Variants in DIAPH2 observed in about 807,000 individuals in gnomAD.
DIAPH2 encodes the protein protein diaphanous homolog 2.
DIAPH2 carries 35 observed loss-of-function variants against 92.7 expected under a neutral mutation model. The observed-to-expected ratio is 0.38, with a 90% CI of 0.29 to 0.50. The LOEUF (loss-of-function observed/expected upper bound fraction) is 0.50, where lower values mean the gene tolerates loss of function less well. Among genes scored for constraint, DIAPH2 ranks in the 20% least tolerant of loss-of-function variants. The pLI is 0.94. For synonymous variants in DIAPH2, 301 were observed against 280.4 expected (o/e 1.07, Z -0.73); for missense variants, 701 against 819.5 (o/e 0.86, Z 1.77).
chrX:97,115,694 A>G (rs776216831), intron 21 of DIAPH2, among the ~76,000 whole-genome samples: 1 of 112,244 alleles, frequency 8.9e-6, no homozygotes, highest in African/African-American at 3.2e-5. Context: ...TAAGATAATA[A>G]TACTCTTCAA....
intron 26 of DIAPH2, among the ~76,000 whole-genome samples, chrX:97,467,900 T>C (rs753333414): frequency 9.0e-6 from 1 of 111,533 alleles, no homozygotes; most frequent in South Asian, 3.8e-4. Flanking sequence ...AATAAATGTT[T>C]GCAGTGGTAT....
intron 17 of DIAPH2, among the ~76,000 whole-genome samples, chrX:97,021,143 A>G (rs1373527829): frequency 1.8e-5 from 2 of 112,084 alleles, no homozygotes; most frequent in Non-Finnish European, 3.8e-5. Flanking sequence ...ATCTTGCTGG[A>G]TGGGGACCAT....
intron 17 of DIAPH2, among the ~76,000 whole-genome samples, chrX:97,019,482 A>T (rs1330613778): frequency 1.8e-5 from 2 of 110,912 alleles, no homozygotes; most frequent in African/African-American, 6.5e-5. Flanking sequence ...CAAAATCTAG[A>T]TCCTTGACAA....
intron 23 of DIAPH2, among the ~76,000 whole-genome samples, chrX:97,323,574 G>C (rs1367127982): frequency 8.4e-4 from 71 of 84,247 alleles, no homozygotes; most frequent in African/African-American, 3.1e-3. Flanking sequence ...CTGGGTGACA[G>C]AGTGAGACTC....
intron 4 of DIAPH2, among the ~76,000 whole-genome samples, chrX:96,860,351 T>A (rs1247523188): frequency 9.0e-6 from 1 of 111,606 alleles, no homozygotes; most frequent in Non-Finnish European, 1.9e-5. Flanking sequence ...AGACAATACG[T>A]ATGAGTGGAA....
At chrX:97,495,223 G>C (rs767158933) in intron 26 of DIAPH2, among the ~76,000 whole-genome samples, 1 of 112,021 alleles carries the variant, frequency 8.9e-6, no homozygotes, top group South Asian at 3.7e-4. Context: ...TGTTTCTCTG[G>C]TGTACTGCAA....
At chrX:96,987,557 A>C (rs1229374325) in intron 17 of DIAPH2, among the ~76,000 whole-genome samples, 2 of 110,685 alleles carry the variant, frequency 1.8e-5, no homozygotes, top group African/African-American at 6.5e-5. Context: ...CAAGATAACT[A>C]TTTCTTCCTC....
At chrX:97,191,769 T>G (rs1473607908) in intron 22 of DIAPH2, among the ~76,000 whole-genome samples, 1 of 111,560 alleles carries the variant, frequency 9.0e-6, no homozygotes, top group African/African-American at 3.3e-5. Flanking sequence ...CAGTTTATAC[T>G]TAAATCTTAG....
intron 26 of DIAPH2, among the ~76,000 whole-genome samples, chrX:97,473,373 C>T (rs1343448449): frequency 9.0e-6 from 1 of 111,339 alleles, no homozygotes; most frequent in Non-Finnish European, 1.9e-5. Context: ...CTTGCTGTGT[C>T]GCCCAGGCTG....
intron 3 of DIAPH2, among the ~76,000 whole-genome samples, chrX:96,749,594 C>T (rs1178779105): frequency 8.9e-6 from 1 of 111,928 alleles, no homozygotes; most frequent in African/African-American, 3.2e-5. Context: ...AGATTTCCTG[C>T]TGAACCATGA....
chrX:97,006,462 G>C (rs1186179784), intron 17 of DIAPH2, among the ~76,000 whole-genome samples: 1 of 112,210 alleles, frequency 8.9e-6, no homozygotes, highest in Non-Finnish European at 1.9e-5. Flanking sequence ...GGGTGCTCCA[G>C]TGTTGGCTGC....
chrX:97,478,315 C>CT (rs1254335792), intron 26 of DIAPH2, among the ~76,000 whole-genome samples: 3 of 111,592 alleles, frequency 2.7e-5, no homozygotes, highest in African/African-American at 9.8e-5. Flanking sequence ...AAATTTTATT[C>CT]TTTTTCAAAA....
At chrX:97,214,067 A>G (rs183118658) in intron 22 of DIAPH2, among the ~76,000 whole-genome samples, 3 of 111,702 alleles carry the variant, frequency 2.7e-5, no homozygotes, top group African/African-American at 6.5e-5. Context: ...AAATTGGAGT[A>G]ATGAAAGGAC....
intron 3 of DIAPH2, among the ~76,000 whole-genome samples, chrX:96,754,690 C>T (rs1366692839): frequency 3.7e-5 from 4 of 109,061 alleles, no homozygotes; most frequent in Non-Finnish European, 7.6e-5. Flanking sequence ...TTTGGGAGGC[C>T]GAGGCGGGTG....
chrX:97,540,559 A>C (rs1173086667), intron 26 of DIAPH2, among the ~76,000 whole-genome samples: 1 of 112,692 alleles, frequency 8.9e-6, no homozygotes, highest in Non-Finnish European at 1.9e-5. Context: ...TTAGCTTCAC[A>C]GTGGTTTAAA....
chrX:96,742,583 T>C (rs1340709335), intron 3 of DIAPH2, among the ~76,000 whole-genome samples: 3 of 111,694 alleles, frequency 2.7e-5, no homozygotes, highest in Non-Finnish European at 5.6e-5. Flanking sequence ...TACTATTCTC[T>C]TTCCGCTAGC....
At chrX:96,843,494 G>A (rs959149659) in intron 4 of DIAPH2, among the ~76,000 whole-genome samples, 2 of 111,504 alleles carry the variant, frequency 1.8e-5, no homozygotes, top group African/African-American at 6.5e-5. Flanking sequence ...ACCTTTTCTT[G>A]AAAGTAGAGT....
At chrX:97,429,777 A>T (rs983840824) in intron 26 of DIAPH2, 32 bp downstream of exon 26, 15 of 1,158,043 alleles carry the variant, frequency 1.3e-5, no homozygotes, top group Admixed American at 2.4e-5. Flanking sequence ...ATAGTATTGT[A>T]AAATATGAAT....
At chrX:97,370,476 A>G (rs1353681469) in intron 24 of DIAPH2, among the ~76,000 whole-genome samples, 1 of 112,283 alleles carries the variant, frequency 8.9e-6, no homozygotes, top group Non-Finnish European at 1.9e-5. Context: ...GTACAGTACT[A>G]ACCATGAATT....
Sources: gnomAD v4.1 joint callset for allele counts (sites outside exome capture counted in the v4.1 genomes callset) on GRCh38, gnomAD v4.1.1 for gene constraint, MANE v1.5 for transcripts, NCBI Gene and HGNC (gene_info 2026-07-23, HGNC 2026-07-21) for gene names.